LRMDA: variants seen among roughly 807,000 people sequenced by gnomAD.
LRMDA encodes the protein leucine-rich melanocyte differentiation-associated protein.
Under a neutral mutation model 29.8 loss-of-function variants are expected in LRMDA, and 18 were observed. That is an observed-to-expected ratio of 0.60 (90% CI 0.42 to 0.90). The LOEUF (loss-of-function observed/expected upper bound fraction) is 0.90. Ranked by LOEUF, LRMDA falls within the 40% of genes least tolerant of loss-of-function variation. The pLI, the probability that LRMDA is intolerant of heterozygous loss-of-function variation, is 0.00. For synonymous variants in LRMDA, 125 were observed against 109.4 expected, an observed-to-expected ratio of 1.14 and a Z score of -0.89; for missense variants, 273 against 273.9, an observed-to-expected ratio of 1.00 and a Z score of 0.02.
chr10:76,529,419 G>A (rs1025056582), intron 6 of LRMDA, among the ~76,000 whole-genome samples: 1 of 152,122 alleles, frequency 6.6e-6, no homozygotes, highest in African/African-American at 2.4e-5. Flanking sequence ...TGGGGAATGA[G>A]ACATTATGAG....
At chr10:75,589,237 C>G (rs1840691767) in intron 2 of LRMDA, among the ~76,000 whole-genome samples, 1 of 152,180 alleles carries the variant, frequency 6.6e-6, no homozygotes, top group African/African-American at 2.4e-5. Flanking sequence ...TAGGGACATG[C>G]TTGTTTTTCC....
At chr10:75,835,531 T>C (rs1483764045) in intron 2 of LRMDA, among the ~76,000 whole-genome samples, 1 of 152,226 alleles carries the variant, frequency 6.6e-6, no homozygotes, top group Non-Finnish European at 1.5e-5. Context: ...TGGTGTTATG[T>C]AGCCTACCAT....
At chr10:76,167,448 G>A (rs1386838939) in intron 5 of LRMDA, among the ~76,000 whole-genome samples, 1 of 152,010 alleles carries the variant, frequency 6.6e-6, no homozygotes, top group Non-Finnish European at 1.5e-5. Context: ...TACGGAAGGG[G>A]TCCAGTTTCA....
At chr10:75,472,508 G>A (rs1180473613) in intron 2 of LRMDA, among the ~76,000 whole-genome samples, 1 of 152,208 alleles carries the variant, frequency 6.6e-6, no homozygotes, top group Non-Finnish European at 1.5e-5. Context: ...AAATGGCAGG[G>A]ACAATTTCTT....
At chr10:76,239,228 T>C (rs1348093036) in intron 5 of LRMDA, among the ~76,000 whole-genome samples, 1 of 152,158 alleles carries the variant, frequency 6.6e-6, no homozygotes, top group Non-Finnish European at 1.5e-5. Context: ...GAGGCCCTGA[T>C]CTTTCTGGTC....
At chr10:76,428,462 A>T (rs1304071897) in intron 6 of LRMDA, among the ~76,000 whole-genome samples, 1 of 152,100 alleles carries the variant, frequency 6.6e-6, no homozygotes, top group Non-Finnish European at 1.5e-5. Context: ...TAATTTCATC[A>T]TTTAACTTCA....
intron 2 of LRMDA, among the ~76,000 whole-genome samples, chr10:75,753,489 T>C (rs1016846926): frequency 6.6e-6 from 1 of 152,094 alleles, no homozygotes; most frequent in African/African-American, 2.4e-5. Flanking sequence ...GAGGCAGCTG[T>C]GAGAAGCTCA....
chr10:75,456,348 C>T (rs537570832), intron 2 of LRMDA, among the ~76,000 whole-genome samples: 17 of 152,272 alleles, frequency 1.1e-4, no homozygotes, highest in African/African-American at 3.9e-4. Context: ...TGGCTCTGTG[C>T]TCGTTCAGAA....
chr10:76,162,288 T>C (rs1850661037), intron 5 of LRMDA, among the ~76,000 whole-genome samples: 1 of 152,106 alleles, frequency 6.6e-6, no homozygotes, highest in Non-Finnish European at 1.5e-5. Flanking sequence ...AGGGAAAAGA[T>C]CGCTGGCAGA....
At chr10:76,174,793 AAATT>A (rs1280974146) in intron 5 of LRMDA, among the ~76,000 whole-genome samples, 1 of 152,228 alleles carries the variant, frequency 6.6e-6, no homozygotes. Context: ...TTTGTTGAAC[AAATT>A]ATTTAATGTT....
At chr10:76,410,696 A>G (rs1841951161) in intron 6 of LRMDA, among the ~76,000 whole-genome samples, 1 of 152,060 alleles carries the variant, frequency 6.6e-6, no homozygotes, top group Non-Finnish European at 1.5e-5. Flanking sequence ...GCTCACACCT[A>G]TAATCCCAGC....
At chr10:75,467,162 G>C (rs558645460) in intron 2 of LRMDA, among the ~76,000 whole-genome samples, 4 of 152,186 alleles carry the variant, frequency 2.6e-5, no homozygotes, top group African/African-American at 4.8e-5. Context: ...CATCCTGGAG[G>C]GGGTGGAAAG....
chr10:75,506,004 T>C (rs1845165083), intron 2 of LRMDA, among the ~76,000 whole-genome samples: 1 of 152,194 alleles, frequency 6.6e-6, no homozygotes, highest in African/African-American at 2.4e-5. Context: ...CTTATTAGTT[T>C]CATAGTGAGA....
chr10:76,326,244 A>C (rs1215163358), intron 6 of LRMDA, among the ~76,000 whole-genome samples: 2 of 152,224 alleles, frequency 1.3e-5, no homozygotes, highest in African/African-American at 4.8e-5. Flanking sequence ...TGTAGGAGAA[A>C]GGTGAGACTA....
intron 2 of LRMDA, among the ~76,000 whole-genome samples, chr10:75,974,549 A>G (rs1847036760): frequency 6.6e-6 from 1 of 152,150 alleles, no homozygotes; most frequent in Admixed American, 6.5e-5. Context: ...TTATAGCCTT[A>G]CACTAAGGGC....
chr10:75,508,406 G>A (rs375092393), intron 2 of LRMDA, among the ~76,000 whole-genome samples: 47 of 152,300 alleles, frequency 3.1e-4, no homozygotes, highest in South Asian at 1.0e-3. Context: ...AGCCTTTTGG[G>A]CTGTATATTT....
chr10:76,077,833 G>C (rs1564646840), intron 5 of LRMDA, among the ~76,000 whole-genome samples: 1 of 151,928 alleles, frequency 6.6e-6, no homozygotes, highest in East Asian at 1.9e-4. Flanking sequence ...GGCATTTTCA[G>C]GCCATCTATG....
chr10:76,010,523 A>G (rs1365329577), intron 2 of LRMDA, among the ~76,000 whole-genome samples: 1 of 152,164 alleles, frequency 6.6e-6, no homozygotes, highest in African/African-American at 2.4e-5. Flanking sequence ...TGTGTTAACC[A>G]GGATGGTCTC....
At chr10:75,996,093 C>A (rs1020215529) in intron 2 of LRMDA, among the ~76,000 whole-genome samples, 13 of 152,128 alleles carry the variant, frequency 8.5e-5, no homozygotes, top group African/African-American at 3.1e-4. Flanking sequence ...TAAAAAGAAT[C>A]ACTGTGTTTA....
Sources: gnomAD v4.1 joint callset for allele counts (sites outside exome capture counted in the v4.1 genomes callset) on GRCh38, gnomAD v4.1.1 for gene constraint, MANE v1.5 for transcripts, NCBI Gene and HGNC (gene_info 2026-07-23, HGNC 2026-07-21) for gene names.